CEP63: variants seen among roughly 807,000 people sequenced by gnomAD.
CEP63 encodes centrosomal protein of 63 kDa.
CEP63 carries 84 observed loss-of-function variants against 89.1 expected under a neutral mutation model. That is an observed-to-expected ratio of 0.94 (90% CI 0.79 to 1.13). The LOEUF is 1.13. Among genes scored for constraint, CEP63 ranks in the 50% most tolerant of loss-of-function variants. CEP63 has a pLI of 0.00. For synonymous variants in CEP63, 267 were observed against 272.5 expected (o/e 0.98, Z 0.20); for missense variants, 838 against 813.3 (o/e 1.03, Z -0.37).
At chr3:134,566,760 A>G (rs1957775300), downstream of CEP63, among the ~76,000 whole-genome samples, 1 of 152,232 alleles carries the variant, frequency 6.6e-6, no homozygotes, top group Non-Finnish European at 1.5e-5. Flanking sequence ...CTATAATAAA[A>G]AAAAAATGGA....
At chr3:134,702,283 T>C in the CEP63 span, among the ~76,000 whole-genome samples, 1 of 151,810 alleles carries the variant, frequency 6.6e-6, no homozygotes, top group African/African-American at 2.4e-5. Flanking sequence ...AAAATAGCCA[T>C]ACTGCTCAAA....
chr3:134,722,169 G>T, the CEP63 span, among the ~76,000 whole-genome samples: 3 of 152,004 alleles, frequency 2.0e-5, no homozygotes, highest in Non-Finnish European at 4.4e-5. Flanking sequence ...GGTCTATTCA[G>T]ATTTTCTATA....
chr3:134,732,973 C>T, the CEP63 span, among the ~76,000 whole-genome samples: 155 of 152,316 alleles, frequency 1.0e-3, no homozygotes, highest in African/African-American at 3.7e-3. Context: ...CATTTCTACA[C>T]TTCTTTCCCC....
At chr3:134,728,814 T>G in the CEP63 span, among the ~76,000 whole-genome samples, 7 of 152,112 alleles carry the variant, frequency 4.6e-5, no homozygotes, top group Non-Finnish European at 1.0e-4. Context: ...TATCTTGGAG[T>G]GCTGAAATAA....
the CEP63 span, among the ~76,000 whole-genome samples, chr3:134,770,976 G>A: frequency 2.0e-5 from 3 of 152,150 alleles, no homozygotes; most frequent in African/African-American, 4.8e-5. Context: ...GATTCCCTTA[G>A]CAACCGTCTC....
At chr3:134,729,490 G>A in the CEP63 span, among the ~76,000 whole-genome samples, 49 of 152,252 alleles carry the variant, frequency 3.2e-4, 1 homozygote, top group East Asian at 8.1e-3. Flanking sequence ...TGGCTTATTA[G>A]TCCCTAGTTC....
At chr3:134,618,535 C>A in the CEP63 span, among the ~76,000 whole-genome samples, 1 of 133,466 alleles carries the variant, frequency 7.5e-6, no homozygotes, top group Non-Finnish European at 1.6e-5. Flanking sequence ...CATCCCCTCC[C>A]CCCACCCCAC....
At chr3:134,599,528 A>G in the CEP63 span, among the ~76,000 whole-genome samples, 1 of 152,260 alleles carries the variant, frequency 6.6e-6, no homozygotes, top group Non-Finnish European at 1.5e-5. Flanking sequence ...AAGTTTCTGC[A>G]TGTATATGAA....
chr3:134,502,547 G>A (rs1942296310), intron 2 of CEP63, among the ~76,000 whole-genome samples: 1 of 152,074 alleles, frequency 6.6e-6, no homozygotes, highest in South Asian at 2.1e-4. Flanking sequence ...TTTCAATTCT[G>A]GGAGGTTGTG....
the CEP63 span, among the ~76,000 whole-genome samples, chr3:134,647,890 G>T: frequency 8.5e-5 from 13 of 152,282 alleles, no homozygotes; most frequent in South Asian, 2.1e-4. Context: ...GATATAGAGT[G>T]GGGGGAGTGG....
At chr3:134,539,022 T>G (rs1459543405) in intron 6 of CEP63, among the ~76,000 whole-genome samples, 1 of 152,212 alleles carries the variant, frequency 6.6e-6, no homozygotes, top group Non-Finnish European at 1.5e-5. Flanking sequence ...TCTGATAGTT[T>G]TGTTTAACCT....
At chr3:134,630,459 C>T in the CEP63 span, among the ~76,000 whole-genome samples, 2 of 152,154 alleles carry the variant, frequency 1.3e-5, no homozygotes, top group Admixed American at 1.3e-4. Context: ...GTTGTGGGGC[C>T]TATATGGCAG....
At chr3:134,567,327 G>T (rs541586973), downstream of CEP63, among the ~76,000 whole-genome samples, 7 of 152,160 alleles carry the variant, frequency 4.6e-5, no homozygotes, top group South Asian at 1.5e-3. Context: ...AGGGTATGGG[G>T]TTTCTTTTTG....
the CEP63 span, among the ~76,000 whole-genome samples, chr3:134,688,383 C>T: frequency 6.6e-6 from 1 of 152,186 alleles, no homozygotes; most frequent in Non-Finnish European, 1.5e-5. Flanking sequence ...TGAGCATAGG[C>T]AGTACCTGCA....
the CEP63 span, chr3:134,780,752 T>C: frequency 6.6e-6 from 1 of 152,244 alleles, no homozygotes; most frequent in African/African-American, 2.4e-5. Flanking sequence ...ACTATGTTTA[T>C]GGTGTCTTTT....
At chr3:134,713,057 A>G in the CEP63 span, among the ~76,000 whole-genome samples, 2 of 152,198 alleles carry the variant, frequency 1.3e-5, no homozygotes, top group African/African-American at 4.8e-5. Flanking sequence ...CAGGACAGGC[A>G]TCTGTAACAA....
At chr3:134,679,215 T>C in the CEP63 span, among the ~76,000 whole-genome samples, 3 of 152,252 alleles carry the variant, frequency 2.0e-5, no homozygotes, top group Non-Finnish European at 4.4e-5. Context: ...TAATCTTCTA[T>C]ATTTTCCTGT....
intron 3 of CEP63, among the ~76,000 whole-genome samples, chr3:134,509,068 A>G (rs1361770551): frequency 6.6e-6 from 1 of 151,880 alleles, no homozygotes; most frequent in Non-Finnish European, 1.5e-5. Flanking sequence ...ACACTATGAG[A>G]TCATGAAAAT....
intron 1 of CEP63, among the ~76,000 whole-genome samples, chr3:134,491,712 C>T (rs1011694168): frequency 1.4e-4 from 21 of 152,272 alleles, no homozygotes; most frequent in Non-Finnish European, 2.5e-4. Context: ...GATTGTTCAT[C>T]GGAACAGCCA....
Sources: allele counts gnomAD v4.1 joint callset (sites outside exome capture counted in the v4.1 genomes callset), GRCh38; gene constraint gnomAD v4.1.1; transcripts MANE v1.5; gene names NCBI Gene and HGNC (gene_info 2026-07-23, HGNC 2026-07-21).